The following MYH15 variants were observed in gnomAD, a reference collection of about 807,000 sequenced individuals.
The protein encoded by MYH15 is myosin-15.
Under a neutral mutation model 240.5 loss-of-function variants are expected in MYH15, and 227 were observed. That is an observed-to-expected ratio of 0.94 (90% confidence interval 0.85 to 1.05). The LOEUF (loss-of-function observed/expected upper bound fraction) is 1.05, where lower values mean the gene tolerates loss of function less well. MYH15 is among the 50% of genes least tolerant of loss of function. The pLI is 0.00. For missense variants in MYH15, 2,217 were observed against 2,247.5 expected (o/e 0.99, Z 0.27); for synonymous variants, 785 against 796.7 (o/e 0.99, Z 0.25).
At chr3:108,406,553 A>G (rs2082547765) in intron 32 of MYH15, among the ~76,000 whole-genome samples, 1 of 152,134 alleles carries the variant, frequency 6.6e-6, no homozygotes, top group Non-Finnish European at 1.5e-5. Flanking sequence ...GTCACCTCTA[A>G]CCCTCTAAAA....
At chr3:108,435,861 C>CACACAT (rs1491566991) in intron 25 of MYH15, among the ~76,000 whole-genome samples, 11 of 149,348 alleles carry the variant, frequency 7.4e-5, no homozygotes, top group African/African-American at 2.7e-4. Context: ...CACACACACA[C>CACACAT]ATCACATTTT....
intron 6 of MYH15, 102 bp from the exon 7 acceptor site, chr3:108,495,974 T>C: frequency 1.3e-6 from 1 of 798,998 alleles, no homozygotes; most frequent in Non-Finnish European, 1.9e-6. Context: ...CTTGCTTTGA[T>C]AACCAATGGC....
At chr3:108,539,666 C>T in the MYH15 span, among the ~76,000 whole-genome samples, 6 of 152,052 alleles carry the variant, frequency 3.9e-5, no homozygotes, top group Non-Finnish European at 7.4e-5. Context: ...TATCAGTATA[C>T]TTATTTGTTC....
chr3:108,493,467 C>T (rs2083368944), intron 7 of MYH15, among the ~76,000 whole-genome samples: 1 of 152,194 alleles, frequency 6.6e-6, no homozygotes, highest in African/African-American at 2.4e-5. Flanking sequence ...CCTGTGTATT[C>T]TTGTGGGCAT....
At chr3:108,434,422 T>C (rs1049577144) in intron 25 of MYH15, among the ~76,000 whole-genome samples, 1 of 151,978 alleles carries the variant, frequency 6.6e-6, no homozygotes, top group Non-Finnish European at 1.5e-5. Flanking sequence ...CCTCAGGTGA[T>C]CTGCCCACCT....
rs1553761709 is a variant in MYH15 at position 108,383,748 on chromosome 3, A to AAG, written c.5632-20_5632-19insCT. 23 of 1,536,258 alleles carry AAG rather than the reference A, an allele frequency of 1.5e-5. No homozygotes were observed. The highest frequency in any genetic ancestry group is 2.0e-5 in the Non-Finnish European group (23 of 1,146,794). On this transcript the variant is annotated intron_variant, in intron 39 of 40. Transcript: ENST00000693548. ...GTGTTTCCTATAAAAATAAAAAAAAAAAAAAAGAAATCTCCATGCCTATAT... is the reference window on the plus strand; with the variant it reads ...GTGTTTCCTATAAAAATAAAAAAAAAAGAAAAAAGAAATCTCCATGCCTATAT...
intron 27 of MYH15, among the ~76,000 whole-genome samples, chr3:108,423,542 T>C (rs916298551): frequency 3.3e-5 from 5 of 152,220 alleles, no homozygotes; most frequent in African/African-American, 1.2e-4. Flanking sequence ...GTGATCAATG[T>C]GACAATTTTT....
In MYH15 at chr3:108,463,981, C is replaced by A. The variant is rs1193287227; in HGVS notation, c.1731+657G>T. Among the ~76,000 whole-genome samples the A allele has an allele frequency of 6.6e-5, 10 of 151,978 alleles. 1 individual carries two copies. The East Asian group carries it at 1.9e-3, about 29-fold the overall frequency. ...CATTCAAAAAAAAAACCAGCAATTGCAATGGTATTTTACTGTATATATCAT... is the reference window on the plus strand; with the variant it reads ...CATTCAAAAAAAAAACCAGCAATTGAAATGGTATTTTACTGTATATATCAT... On this transcript the variant is annotated intron_variant, in intron 15 of 40. Coordinates refer to ENST00000693548, the MANE Select transcript of MYH15 (RefSeq NM_014981.3).
At chr3:108,471,064 G>GGAGGAAGA (rs138759786) in intron 12 of MYH15, among the ~76,000 whole-genome samples, 1 of 97,736 alleles carries the variant, frequency 1.0e-5, no homozygotes, top group African/African-American at 4.0e-5. Flanking sequence ...AGGAAGGAAG[G>GGAGGAAGA]GAGGGAGGGA....
intron 14 of MYH15, among the ~76,000 whole-genome samples, chr3:108,468,129 C>G (rs1412900637): frequency 6.6e-6 from 1 of 152,076 alleles, no homozygotes; most frequent in Admixed American, 6.6e-5. Context: ...CCACATCTGG[C>G]TAATTTTTGT....
rs78719126 is a variant in MYH15 at position 108,481,270 on chromosome 3, G to A, written c.1114+3821C>T. The stretch of plus-strand genomic sequence containing the variant: ...AAAATGCGTAAAAAATATGTCCTTT[G>A]GCATTCACAGTGATTGTCTCTGAGT... On this transcript the variant is annotated intron_variant, in intron 11 of 40. Transcript: ENST00000693548. Among the ~76,000 whole-genome samples the A allele has an allele frequency of 3.4e-4, 52 of 152,246 alleles. 1 individual carries two copies. The East Asian group carries it at 0.01, about 29-fold the overall frequency.
chr3:108,388,507 C>T (rs1277271137), intron 38 of MYH15, among the ~76,000 whole-genome samples: 1 of 152,112 alleles, frequency 6.6e-6, no homozygotes, highest in African/African-American at 2.4e-5. Flanking sequence ...CAACAGTGTC[C>T]TCAGTGGCCT....
At chr3:108,443,711 T>G (rs892807191) in intron 22 of MYH15, among the ~76,000 whole-genome samples, 1 of 152,026 alleles carries the variant, frequency 6.6e-6, no homozygotes, top group Admixed American at 6.6e-5. Context: ...TTATATGATC[T>G]GAGGGTTGCT....
chr3:108,416,786 C>G (rs748085703), intron 29 of MYH15, 26 bp downstream of exon 29: 3 of 1,531,794 alleles, frequency 2.0e-6, no homozygotes, highest in Admixed American at 3.5e-5. Context: ...AGTCAAGAAA[C>G]TAGTGAGAAA....
At chr3:108,428,344 G>T in intron 27 of MYH15, 148 bp downstream of exon 27, 1 of 986,626 alleles carries the variant, frequency 1.0e-6, no homozygotes, top group Non-Finnish European at 1.5e-6. Context: ...GGTCAGGCCT[G>T]ATCTATTCCG....
intron 16 of MYH15, among the ~76,000 whole-genome samples, chr3:108,462,355 A>T (rs1373804108): frequency 6.6e-6 from 1 of 152,066 alleles, no homozygotes; most frequent in Non-Finnish European, 1.5e-5. Flanking sequence ...TAGGCACTAA[A>T]CTAGAAAACA....
chr3:108,471,022 AGAAAAAG>A (rs1251309460), intron 12 of MYH15, among the ~76,000 whole-genome samples, 175 bp from the exon 13 acceptor site: 5 of 121,802 alleles, frequency 4.1e-5, no homozygotes, highest in Middle Eastern at 3.8e-3. Flanking sequence ...AGAGAGAGAG[AGAAAAAG>A]AAAGAAAGAA....
At chr3:108,452,745 T>C (rs1442791829) in intron 21 of MYH15, among the ~76,000 whole-genome samples, 2 of 152,162 alleles carry the variant, frequency 1.3e-5, no homozygotes, top group Non-Finnish European at 2.9e-5. Flanking sequence ...AAGGTAAGAC[T>C]TGGATTACAG....
the MYH15 span, among the ~76,000 whole-genome samples, chr3:108,541,504 AT>A: frequency 6.6e-6 from 1 of 152,188 alleles, no homozygotes; most frequent in Admixed American, 6.5e-5. Context: ...CACAGGAGAA[AT>A]TGGAAAGGGA....
Sources: allele counts gnomAD v4.1 joint callset (sites outside exome capture counted in the v4.1 genomes callset), GRCh38; gene constraint gnomAD v4.1.1; transcripts MANE v1.5; gene names NCBI Gene and HGNC (gene_info 2026-07-23, HGNC 2026-07-21).